LY75: variants seen among roughly 807,000 people sequenced by gnomAD.
The protein encoded by LY75 is lymphocyte antigen 75, also known as C-type lectin domain family 13 member B.
In LY75, 185 loss-of-function variants were observed where a neutral mutation model predicts 231.7. The ratio of observed to expected loss-of-function variants is 0.80; its 90% CI spans 0.71 to 0.90. The LOEUF is 0.90. Ranked by LOEUF, LY75 falls within the 40% of genes least tolerant of loss-of-function variation. The probability of loss-of-function intolerance (pLI) is 0.00; values close to 1 mark genes in which losing one functional copy is unlikely to be tolerated. For missense variants in LY75, 1,947 were observed against 2,050.2 expected (o/e 0.95, Z 0.97); for synonymous variants, 668 against 689.0 (o/e 0.97, Z 0.48).
At chr2:159,879,116 C>T in intron 9 of LY75, 143 bp downstream of exon 9, 1 of 921,308 alleles carries the variant, frequency 1.1e-6, no homozygotes, top group Non-Finnish European at 1.6e-6. Context: ...GACTCACTGC[C>T]TTCTGGCTTG....
chr2:159,809,538 C>G (rs1682890460), intron 32 of LY75, among the ~76,000 whole-genome samples: 1 of 152,082 alleles, frequency 6.6e-6, no homozygotes, highest in Non-Finnish European at 1.5e-5. Context: ...AAAAATTTTA[C>G]CTCTTAATTC....
intron 1 of LY75, 128 bp downstream of exon 1, chr2:159,904,461 C>T (rs1397707): frequency 0.49 from 518,874 of 1,053,398 alleles, 138,635 homozygotes; most frequent in Non-Finnish European, 0.55. Flanking sequence ...GCTCCAGAGC[C>T]CCCCCGCCCC....
intron 34 of LY75, 40 bp from the exon 35 acceptor site, chr2:159,805,262 A>AAAAGTGATC (rs766704306): frequency 1.3e-6 from 2 of 1,487,426 alleles, no homozygotes; most frequent in East Asian, 4.5e-5. Flanking sequence ...GAGAGAATAC[A>AAAAGTGATC]AAAGTGATCA....
intron 12 of LY75, among the ~76,000 whole-genome samples, chr2:159,874,928 A>C (rs1337163867): frequency 1.4e-5 from 2 of 138,080 alleles, no homozygotes; most frequent in African/African-American, 5.4e-5. Flanking sequence ...ATATATTTAT[A>C]AATATATATA....
At chr2:159,806,876 T>G in intron 34 of LY75, 97 bp downstream of exon 34, 2 of 1,441,346 alleles carry the variant, frequency 1.4e-6, no homozygotes, top group Non-Finnish European at 1.8e-6. Context: ...GACTAAATAC[T>G]TCAAGACTAA....
chr2:159,824,936 T>A (rs910214398), intron 28 of LY75, among the ~76,000 whole-genome samples: 18 of 152,144 alleles, frequency 1.2e-4, no homozygotes, highest in African/African-American at 3.9e-4. Context: ...CATATCAGAA[T>A]CTTTGGGACA....
At chr2:159,845,253 T>C (rs1021568401) in intron 23 of LY75, among the ~76,000 whole-genome samples, 2 of 152,148 alleles carry the variant, frequency 1.3e-5, no homozygotes, top group African/African-American at 4.8e-5. Flanking sequence ...TTTTAAAATT[T>C]TAACTATTTG....
chr2:159,870,219 A>G (rs891414499), intron 13 of LY75, among the ~76,000 whole-genome samples: 3 of 152,206 alleles, frequency 2.0e-5, no homozygotes, highest in African/African-American at 7.2e-5. Context: ...TGGGAGGCCA[A>G]GGAAGGTGAA....
chr2:159,893,851 TCTCC>T, intron 3 of LY75, 59 bp downstream of exon 3: 1 of 1,512,510 alleles, frequency 6.6e-7, no homozygotes, highest in South Asian at 1.3e-5. Context: ...AACTCTTCCT[TCTCC>T]CTATTGCCTC....
At chr2:159,836,457 G>A (rs1003646986) in intron 25 of LY75, among the ~76,000 whole-genome samples, 5 of 152,144 alleles carry the variant, frequency 3.3e-5, no homozygotes, top group African/African-American at 1.2e-4. Flanking sequence ...CACCCATCTA[G>A]GTACAGGAGA....
chr2:159,884,326 C>T (rs1468803296), intron 6 of LY75, among the ~76,000 whole-genome samples: 1 of 152,158 alleles, frequency 6.6e-6, no homozygotes, highest in East Asian at 1.9e-4. Context: ...TAGTTTCTCT[C>T]ATTTGGTGAG....
intron 1 of LY75, among the ~76,000 whole-genome samples, chr2:159,902,037 A>AT (rs1179610343): frequency 6.6e-6 from 1 of 152,244 alleles, no homozygotes; most frequent in Non-Finnish European, 1.5e-5. Context: ...ATAATCCCTT[A>AT]TTTAGAAAAT....
intron 2 of LY75, among the ~76,000 whole-genome samples, chr2:159,895,119 T>C (rs1442645454): frequency 6.6e-6 from 1 of 152,214 alleles, no homozygotes; most frequent in East Asian, 1.9e-4. Flanking sequence ...CAGTATTTGA[T>C]TCTACTTTCT....
intron 3 of LY75, among the ~76,000 whole-genome samples, chr2:159,893,010 G>A (rs113289483): frequency 6.6e-6 from 1 of 151,948 alleles, no homozygotes; most frequent in Non-Finnish European, 1.5e-5. Context: ...ACTACCCTTT[G>A]CTTTTTTAAA....
At chr2:159,823,071 G>T (rs544558569) in intron 28 of LY75, among the ~76,000 whole-genome samples, 1 of 152,304 alleles carries the variant, frequency 6.6e-6, no homozygotes, top group African/African-American at 2.4e-5. Flanking sequence ...TCACCAGCTA[G>T]CGAACAAAAC....
At chr2:159,884,679 TCA>T (rs1685534135) in intron 6 of LY75, among the ~76,000 whole-genome samples, 1 of 152,166 alleles carries the variant, frequency 6.6e-6, no homozygotes, top group South Asian at 2.1e-4. Context: ...GCAGTGGTTC[TCA>T]GACTTGAATA....
chr2:159,894,122 A>T (rs751894438), intron 2 of LY75, 38 bp from the exon 3 acceptor site: 1 of 1,557,046 alleles, frequency 6.4e-7, no homozygotes, highest in African/African-American at 1.4e-5. Context: ...GAGAGTTAAA[A>T]ACTGGGTAGT....
At position 159,808,438 on chromosome 2, in the gene LY75, A is replaced by G. The variant is rs1682853656; in HGVS notation, c.4822+11T>C. 3.1e-6 allele frequency: 5 copies of G among 1,613,666 alleles called. No homozygotes were observed. In the South Asian group the frequency reaches 5.5e-5, roughly 18 times the overall value. ...CTCTTTGCACACTACACATACAATT[A>G]TTTCACTTACCAACAGAATGTTGAG... On this transcript the variant is annotated intron_variant, in intron 33 of 34. Transcript: ENST00000263636.
At chr2:159,819,502 A>G (rs993502591) in intron 29 of LY75, among the ~76,000 whole-genome samples, 2 of 152,102 alleles carry the variant, frequency 1.3e-5, no homozygotes, top group East Asian at 3.9e-4. Context: ...ACATTAAACA[A>G]TGATAAGGAA....
Sources: allele counts gnomAD v4.1 joint callset (sites outside exome capture counted in the v4.1 genomes callset), GRCh38; gene constraint gnomAD v4.1.1; transcripts MANE v1.5; gene names NCBI Gene and HGNC (gene_info 2026-07-23, HGNC 2026-07-21).